RBM19: variants seen among roughly 807,000 people sequenced by gnomAD.
RBM19 encodes probable RNA-binding protein 19.
RBM19 carries 94 observed loss-of-function variants against 116.8 expected under a neutral mutation model. That is an observed-to-expected ratio of 0.80 (90% CI 0.68 to 0.95). The LOEUF (loss-of-function observed/expected upper bound fraction) is 0.95. RBM19 is among the 40% of genes least tolerant of loss of function. The pLI, the probability that RBM19 is intolerant of heterozygous loss-of-function variation, is 0.00. For missense variants in RBM19, 1,161 were observed against 1,220.7 expected (o/e 0.95, Z 0.73); for synonymous variants, 475 against 494.1 (o/e 0.96, Z 0.51).
intron 1 of RBM19, among the ~76,000 whole-genome samples, chr12:113,963,043 T>C (rs969425067): frequency 3.9e-5 from 6 of 152,074 alleles, no homozygotes; most frequent in Non-Finnish European, 7.4e-5. Flanking sequence ...ATGGAGTATA[T>C]AGCTATGAAC....
At chr12:113,963,710 T>G (rs111988632) in intron 1 of RBM19, among the ~76,000 whole-genome samples, 1 of 152,190 alleles carries the variant, frequency 6.6e-6, no homozygotes, top group Non-Finnish European at 1.5e-5. Context: ...GAATCCATCA[T>G]TCCTTTGCCA....
At chr12:113,963,846 C>T (rs1006050924) in intron 1 of RBM19, among the ~76,000 whole-genome samples, 1 of 152,218 alleles carries the variant, frequency 6.6e-6, no homozygotes, top group Admixed American at 6.5e-5. Context: ...TTTCTCACAG[C>T]CTTCTCACTT....
intron 16 of RBM19, among the ~76,000 whole-genome samples, chr12:113,933,316 T>C (rs1869775253): frequency 6.9e-6 from 1 of 145,836 alleles, no homozygotes; most frequent in Non-Finnish European, 1.5e-5. Context: ...GAGTCGGGGA[T>C]TTGGTGAAGC....
intron 21 of RBM19, among the ~76,000 whole-genome samples, chr12:113,874,310 T>C (rs1417882571): frequency 2.0e-5 from 3 of 152,354 alleles, no homozygotes; most frequent in South Asian, 4.2e-4. Context: ...TGTCTTTTCC[T>C]GGATTTTCTG....
chr12:113,907,395 C>T (rs1189377739), intron 21 of RBM19, among the ~76,000 whole-genome samples: 2 of 152,170 alleles, frequency 1.3e-5, no homozygotes, highest in Admixed American at 1.3e-4. Context: ...TCCATCAACG[C>T]CAGAGGAATG....
At position 113,830,108 on chromosome 12, in the gene RBM19, C is replaced by A. The variant is rs114531091; in HGVS notation, c.2786-6787G>T. ...TGAGCTCAGATAGGGTTGGCTCCAG[C>A]CTTACTGGCACAGCATAGCAAAGCC... is the stretch of plus-strand genomic sequence containing the variant. On this transcript the variant is annotated intron_variant, in intron 23 of 23. Transcript: ENST00000261741. Among the ~76,000 whole-genome samples the A allele has an allele frequency of 7.9e-3, 1,201 of 152,292 alleles. 22 individuals are homozygous for A. The highest frequency in any genetic ancestry group is 0.028 in the African/African-American group (1,162 of 41,562).
chr12:113,890,420 G>A (rs1168415674), intron 21 of RBM19, among the ~76,000 whole-genome samples: 2 of 152,306 alleles, frequency 1.3e-5, no homozygotes, highest in East Asian at 1.9e-4. Flanking sequence ...GCAGCCAATC[G>A]GAGGCGATGG....
intron 20 of RBM19, among the ~76,000 whole-genome samples, chr12:113,918,163 A>G (rs974423083): frequency 3.3e-5 from 5 of 151,904 alleles, no homozygotes; most frequent in African/African-American, 1.2e-4. Flanking sequence ...GCCCCTGTGC[A>G]TTAAACATTC....
chr12:113,954,630 A>G (rs1871753690), intron 7 of RBM19, among the ~76,000 whole-genome samples: 1 of 152,234 alleles, frequency 6.6e-6, no homozygotes, highest in South Asian at 2.1e-4. Flanking sequence ...ATATTGAACT[A>G]CTACTTTCAC....
intron 8 of RBM19, 69 bp from the exon 9 acceptor site, chr12:113,950,223 A>C: frequency 3.2e-6 from 4 of 1,267,120 alleles, no homozygotes; most frequent in Non-Finnish European, 4.6e-6. Context: ...CCCCAGAGGA[A>C]CACCCATACT....
At position 113,881,119 on chromosome 12, in the gene RBM19, A is replaced by G. The variant is rs1880089200; in HGVS notation, c.2559-22223T>C. ...GCTGCTCTAATGGGTCTGAGGAGGC[A>G]GGAGGGAGTTCTGGAACACGCACTG... On this transcript the variant is annotated intron_variant, in intron 21 of 23. Coordinates refer to ENST00000261741, the MANE Select transcript of RBM19 (RefSeq NM_016196.4). Among the ~76,000 whole-genome samples, 3 of 152,284 alleles carry G rather than the reference A, an allele frequency of 2.0e-5. No individual in the cohort carries two copies. The South Asian group carries it at 6.2e-4, about 32-fold the overall frequency.
chr12:113,830,594 C>T (rs1229503456), intron 23 of RBM19, among the ~76,000 whole-genome samples: 6 of 43,614 alleles, frequency 1.4e-4, no homozygotes, highest in Non-Finnish European at 2.2e-4. Context: ...GGGGGGTGGG[C>T]TATGCCTGGG....
chr12:113,862,667 G>T (rs1878489361), intron 21 of RBM19, among the ~76,000 whole-genome samples: 1 of 152,080 alleles, frequency 6.6e-6, no homozygotes, highest in Non-Finnish European at 1.5e-5. Flanking sequence ...GGGCCACCAG[G>T]GACTGGGGAG....
chr12:113,863,577 A>G (rs1029760622), intron 21 of RBM19, among the ~76,000 whole-genome samples: 2 of 152,280 alleles, frequency 1.3e-5, no homozygotes, highest in Middle Eastern at 3.4e-3. Flanking sequence ...CTCCCAGGAC[A>G]TAAGTCCCCC....
At chr12:113,895,556 T>C (rs1881262716) in intron 21 of RBM19, among the ~76,000 whole-genome samples, 1 of 152,130 alleles carries the variant, frequency 6.6e-6, no homozygotes. Context: ...ACGACATCAT[T>C]TTCTCTAAAT....
intron 21 of RBM19, among the ~76,000 whole-genome samples, 163 bp from the exon 22 acceptor site, chr12:113,859,059 C>T (rs960957772): frequency 1.3e-5 from 2 of 152,222 alleles, no homozygotes; most frequent in African/African-American, 2.4e-5. Context: ...CATGAGCAGC[C>T]TTCTCCTCCC....
intron 22 of RBM19, among the ~76,000 whole-genome samples, chr12:113,850,324 G>A (rs1877354051): frequency 6.6e-6 from 1 of 152,188 alleles, no homozygotes; most frequent in South Asian, 2.1e-4. Flanking sequence ...CTCTGAGCAG[G>A]TCTAGCCAGA....
chr12:113,910,790 C>T (rs1250566022), intron 21 of RBM19, among the ~76,000 whole-genome samples: 1 of 151,550 alleles, frequency 6.6e-6, no homozygotes, highest in Non-Finnish European at 1.5e-5. Flanking sequence ...TTTTTAACAC[C>T]ACTTCCAGCT....
chr12:113,863,344 A>G (rs986133181), intron 21 of RBM19, among the ~76,000 whole-genome samples: 1 of 152,062 alleles, frequency 6.6e-6, no homozygotes, highest in Non-Finnish European at 1.5e-5. Context: ...AAAAGGGATG[A>G]ATCATCTTGG....
Sources: gnomAD v4.1 joint callset for allele counts (sites outside exome capture counted in the v4.1 genomes callset) on GRCh38, gnomAD v4.1.1 for gene constraint, MANE v1.5 for transcripts, NCBI Gene and HGNC (gene_info 2026-07-23, HGNC 2026-07-21) for gene names.